GSE1: variants seen among roughly 807,000 people sequenced by gnomAD.
GSE1 encodes genetic suppressor element 1.
Under a neutral mutation model 112.6 loss-of-function variants are expected in GSE1, and 32 were observed. The observed-to-expected ratio is 0.28, with a 90% confidence interval of 0.21 to 0.38. The LOEUF is 0.38. GSE1 is among the 10% of genes least tolerant of loss of function. The pLI is 1.00. For synonymous variants in GSE1, 1,115 were observed against 735.6 expected (o/e 1.52, Z -8.35); for missense variants, 2,348 against 1,699.2 (o/e 1.38, Z -6.71).
chr16:85,480,263 G>A (rs1353837512), intron 2 of GSE1, among the ~76,000 whole-genome samples: 1 of 152,266 alleles, frequency 6.6e-6, no homozygotes, highest in African/African-American at 2.4e-5. Flanking sequence ...TGCATGAGAG[G>A]CAGTGTTTCG....
intron 1 of GSE1, among the ~76,000 whole-genome samples, chr16:85,320,901 G>A (rs540805437): frequency 4.6e-5 from 7 of 152,172 alleles, no homozygotes; most frequent in South Asian, 2.1e-4. Flanking sequence ...CCTCCTGCCC[G>A]GAACACCCAG....
At chr16:85,484,407 T>A (rs1302084634) in intron 2 of GSE1, among the ~76,000 whole-genome samples, 1 of 152,214 alleles carries the variant, frequency 6.6e-6, no homozygotes, top group Non-Finnish European at 1.5e-5. Flanking sequence ...TGATATAAAT[T>A]ATCCCTCCAA....
chr16:85,221,481 A>C (rs1045191990), intron 1 of GSE1, among the ~76,000 whole-genome samples: 10 of 151,940 alleles, frequency 6.6e-5, no homozygotes, highest in Non-Finnish European at 1.3e-4. Context: ...ACAGACACAC[A>C]CTGCTTATGA....
chr16:85,241,819 A>G (rs1024475552), intron 1 of GSE1, among the ~76,000 whole-genome samples: 1 of 152,078 alleles, frequency 6.6e-6, no homozygotes, highest in Non-Finnish European at 1.5e-5. Context: ...TAGGACTAAG[A>G]GTGGCCGATG....
intron 1 of GSE1, among the ~76,000 whole-genome samples, chr16:85,326,590 C>T (rs1298421980): frequency 6.6e-6 from 1 of 152,256 alleles, no homozygotes; most frequent in Non-Finnish European, 1.5e-5. Flanking sequence ...AAGTTGCCTG[C>T]TTCTGCTTCC....
intron 1 of GSE1, among the ~76,000 whole-genome samples, chr16:85,337,155 C>G (rs2046508095): frequency 6.6e-6 from 1 of 152,210 alleles, no homozygotes; most frequent in Non-Finnish European, 1.5e-5. Context: ...CACTGTGTCC[C>G]CCATCACACC....
At chr16:85,599,672 G>A (rs1598333298) in intron 1 of GSE1, among the ~76,000 whole-genome samples, 1 of 152,230 alleles carries the variant, frequency 6.6e-6, no homozygotes, top group Non-Finnish European at 1.5e-5. Context: ...GCAGTTGGAG[G>A]AGATGGAAGA....
At chr16:85,464,431 G>T (rs976178238) in intron 2 of GSE1, among the ~76,000 whole-genome samples, 3 of 152,198 alleles carry the variant, frequency 2.0e-5, no homozygotes, top group African/African-American at 7.2e-5. Context: ...TTGGGTGTTT[G>T]ATCACGGCTC....
intron 1 of GSE1, among the ~76,000 whole-genome samples, chr16:85,184,880 TGAA>T (rs2074667930): frequency 1.3e-5 from 2 of 152,224 alleles, no homozygotes; most frequent in Admixed American, 1.3e-4. Flanking sequence ...CACAAGCTCT[TGAA>T]GAGGATATGG....
At chr16:85,429,316 G>C (rs943941854) in intron 2 of GSE1, among the ~76,000 whole-genome samples, 3 of 152,228 alleles carry the variant, frequency 2.0e-5, no homozygotes, top group Non-Finnish European at 4.4e-5. Context: ...CCACGGGCAT[G>C]TGCATGGAGG....
intron 2 of GSE1, among the ~76,000 whole-genome samples, chr16:85,506,502 C>T (rs1367343887): frequency 1.3e-5 from 2 of 152,004 alleles, no homozygotes; most frequent in East Asian, 3.9e-4. Context: ...GAAGAAGGAG[C>T]CAGAAGAGCA....
At chr16:85,488,759 C>T (rs1197869719) in intron 2 of GSE1, among the ~76,000 whole-genome samples, 1 of 152,106 alleles carries the variant, frequency 6.6e-6, no homozygotes, top group African/African-American at 2.4e-5. Context: ...TGAGCTGCCT[C>T]TGGGAGAAGC....
rs746676799 is a variant in GSE1, at chr16:85,235,989, C to CCTGGGCCTGGGGCTGAGG, written c.2283+64198_2283+64215dup. 5.1e-4 allele frequency among the ~76,000 whole-genome samples: 77 copies of CCTGGGCCTGGGGCTGAGG among 151,736 alleles called. 1 individual carries two copies. In the East Asian group the frequency reaches 0.013, roughly 26 times the overall value. On this transcript the variant is annotated intron_variant, in intron 1 of 2. Coordinates refer to the GSE1 transcript ENST00000637419. ...CTCCGGCGCCGGGCCTGGGCCTGGGCCTGGGCCTGGGGCTGAGGCTGGGCC... is the reference window on the plus strand; with the variant it reads ...CTCCGGCGCCGGGCCTGGGCCTGGGCCTGGGCCTGGGGCTGAGGCTGGGCCTGGGGCTGAGGCTGGGCC...
intron 6 of GSE1, 129 bp downstream of exon 6, chr16:85,656,046 C>T (rs1187080559): frequency 1.2e-5 from 9 of 753,064 alleles, no homozygotes; most frequent in African/African-American, 5.3e-5. Flanking sequence ...GTCCACCTGC[C>T]AAATGGGACA....
chr16:85,633,504 G>A (rs962731963), intron 1 of GSE1, among the ~76,000 whole-genome samples: 6 of 152,196 alleles, frequency 3.9e-5, no homozygotes, highest in South Asian at 2.1e-4. Context: ...CTCCACCAGC[G>A]TGTTTCTATC....
At chr16:85,605,562 G>T (rs1353006430) in intron 1 of GSE1, among the ~76,000 whole-genome samples, 1 of 152,144 alleles carries the variant, frequency 6.6e-6, no homozygotes, top group African/African-American at 2.4e-5. Flanking sequence ...AGGGGGACAC[G>T]TTCCTTGCAG....
intron 1 of GSE1, among the ~76,000 whole-genome samples, chr16:85,292,580 G>T (rs2045254593): frequency 6.6e-6 from 1 of 151,770 alleles, no homozygotes; most frequent in African/African-American, 2.4e-5. Context: ...ACCTGCCTCG[G>T]CCCCCCAAAG....
intron 1 of GSE1, among the ~76,000 whole-genome samples, chr16:85,334,969 C>A (rs8060803): frequency 0.16 from 24,769 of 152,162 alleles, 2,067 homozygotes; most frequent in Middle Eastern, 0.23. Flanking sequence ...CCAGGCACTT[C>A]CTCCCTCACC....
chr16:85,272,777 CTTTTTT>C (rs1204820536), intron 1 of GSE1, among the ~76,000 whole-genome samples: 3 of 131,426 alleles, frequency 2.3e-5, no homozygotes, highest in Non-Finnish European at 4.9e-5. Context: ...CTTCTCTTTT[CTTTTTT>C]TTTTTTTTTT....
Sources: gnomAD v4.1 joint callset for allele counts (sites outside exome capture counted in the v4.1 genomes callset) on GRCh38, gnomAD v4.1.1 for gene constraint, MANE v1.5 for transcripts, NCBI Gene and HGNC (gene_info 2026-07-23, HGNC 2026-07-21) for gene names.